The following SDHAF3 variants were observed in gnomAD, a reference collection of about 807,000 sequenced individuals.
The protein encoded by SDHAF3 is succinate dehydrogenase complex assembly factor 3.
SDHAF3 carries 18 observed loss-of-function variants against 11.5 expected under a neutral mutation model. The observed-to-expected ratio is 1.56, with a 90% confidence interval of 1.08 to 2.32. The LOEUF is 2.32. SDHAF3 is among the 30% of genes most tolerant of loss of function. The pLI, the probability that SDHAF3 is intolerant of heterozygous loss-of-function variation, is 0.00. For missense variants in SDHAF3, 200 were observed against 154.4 expected, an observed-to-expected ratio of 1.30 and a Z score of -1.57; for synonymous variants, 72 against 59.3, an observed-to-expected ratio of 1.21 and a Z score of -0.99.
At chr7:97,122,974 C>CT (rs1226962025) in intron 1 of SDHAF3, among the ~76,000 whole-genome samples, 1 of 150,422 alleles carries the variant, frequency 6.6e-6, no homozygotes, top group Non-Finnish European at 1.5e-5. Flanking sequence ...AATGGAAGTA[C>CT]TTTTTTACTT....
intron 1 of SDHAF3, among the ~76,000 whole-genome samples, chr7:97,121,721 C>T (rs1165352116): frequency 6.6e-6 from 1 of 151,944 alleles, no homozygotes. Flanking sequence ...AAGTTGAAAG[C>T]TACACAAGAT....
Position 97,120,589 on chromosome 7 carries a change from G to A in SDHAF3, c.174+2692G>A, listed in dbSNP as rs185611435. Among the ~76,000 whole-genome samples, 564 of 151,056 alleles carry A rather than the reference G, an allele frequency of 3.7e-3. 1 individual carries two copies. The highest frequency in any genetic ancestry group is 0.014 in the Middle Eastern group (4 of 294). On this transcript the variant is annotated intron_variant, in intron 1 of 1. Transcript: ENST00000432641. ...TTTTTATGCCTTTATTTTTCAGTTAGTGCTCATTACAAACTTGGCACCTGT... is the reference window on the plus strand; with the variant it reads ...TTTTTATGCCTTTATTTTTCAGTTAATGCTCATTACAAACTTGGCACCTGT...
chr7:97,155,657 T>A (rs1789290051), intron 1 of SDHAF3, among the ~76,000 whole-genome samples: 1 of 152,206 alleles, frequency 6.6e-6, no homozygotes, highest in African/African-American at 2.4e-5. Context: ...AATTGTGAGA[T>A]CATCTTTATA....
chr7:97,170,593 T>A lies in SDHAF3; in HGVS notation c.175-10419T>A, dbSNP rs559660439. Among the ~76,000 whole-genome samples the A allele has an allele frequency of 6.0e-4, 92 of 152,320 alleles. 1 individual carries two copies. The highest frequency in any genetic ancestry group is 2.1e-3 in the African/African-American group (89 of 41,572). ...TATAGTAGACAAATATAAAGAATAT[T>A]TGTGAACTAGGTTTTCTATAACATT... On this transcript the variant is annotated intron_variant, in intron 1 of 1. Coordinates refer to ENST00000432641, the MANE Select transcript of SDHAF3 (RefSeq NM_020186.3).
chr7:97,177,836 T>C lies in SDHAF3; in HGVS notation c.175-3176T>C, dbSNP rs112077495. On this transcript the variant is annotated intron_variant, in intron 1 of 1. Transcript: ENST00000432641. ...CCCCATTTATGATGACCGTATTTTC[T>C]TTTACATACTTAACATTTATAGTAC... Among the ~76,000 whole-genome samples the C allele has an allele frequency of 8.7e-3, 1,319 of 152,336 alleles. 18 individuals carry two copies. The highest frequency in any genetic ancestry group is 0.026 in the African/African-American group (1,080 of 41,576).
rs566561181 is a variant in SDHAF3 at position 97,117,729 on chromosome 7, G to A, written c.6G>A (p.Pro2=). Reference sequence around the variant, plus strand: ...GGCGGTCGGCGTGGGGCGCTATGCCGGGGCGGCACGTTTCTCGAGTCCGGG... The same window carrying A: ...GGCGGTCGGCGTGGGGCGCTATGCCAGGGCGGCACGTTTCTCGAGTCCGGG... M[P]GRHVSRVRAL... The change falls in exon 1 of 2, where the codon CCG becomes CCA. Residue 2 remains proline, a synonymous_variant. Transcript: ENST00000432641. 1.9e-6 allele frequency: 3 copies of A among 1,611,940 alleles called. No individual in the cohort carries two copies. Among genetic ancestry groups the A allele is most frequent in the African/African-American group, 1.3e-5 (1 of 75,006 alleles).
chr7:97,148,888 A>ATTT, intron 1 of SDHAF3, among the ~76,000 whole-genome samples: 1 of 151,636 alleles, frequency 6.6e-6, no homozygotes, highest in East Asian at 1.9e-4. Flanking sequence ...ATGTACAGTA[A>ATTT]TTTAAAAAGT....
intron 1 of SDHAF3, among the ~76,000 whole-genome samples, chr7:97,152,237 A>G (rs951197437): frequency 1.3e-5 from 2 of 152,176 alleles, no homozygotes; most frequent in African/African-American, 4.8e-5. Context: ...ATTGCAATAG[A>G]GAAACTGTTT....
chr7:97,160,587 A>G (rs1037537809), intron 1 of SDHAF3, among the ~76,000 whole-genome samples: 2 of 152,232 alleles, frequency 1.3e-5, no homozygotes, highest in African/African-American at 2.4e-5. Context: ...GATGCTGTTA[A>G]TCTACAACCT....
At chr7:97,155,438 C>T (rs1008423539) in intron 1 of SDHAF3, among the ~76,000 whole-genome samples, 8 of 152,142 alleles carry the variant, frequency 5.3e-5, no homozygotes, top group African/African-American at 1.9e-4. Context: ...ACTTCTTATC[C>T]TTTTAGACTT....
intron 1 of SDHAF3, among the ~76,000 whole-genome samples, chr7:97,141,434 T>A (rs541071138): frequency 6.6e-6 from 1 of 152,308 alleles, no homozygotes; most frequent in Non-Finnish European, 1.5e-5. Context: ...CCTGCCAACA[T>A]GTGATGTCTT....
intron 1 of SDHAF3, among the ~76,000 whole-genome samples, chr7:97,159,288 C>T (rs1789360586): frequency 6.6e-6 from 1 of 152,184 alleles, no homozygotes. Context: ...ATCTAAACTT[C>T]CTTAACATTT....
At position 97,181,600 on chromosome 7, in the gene SDHAF3, C is replaced by T. The variant is rs7837; in HGVS notation, c.*385C>T. 40,808 of 160,124 alleles carry T rather than the reference C, an allele frequency of 0.25. 5,489 individuals carry two copies. Among genetic ancestry groups the T allele is most frequent in the Non-Finnish European group, 0.29 (21,330 of 72,742 alleles). 9.9% of individuals were successfully genotyped at this position (160,124 alleles called of 1,614,324 possible). ...ATTATTTTTTAAATACATTGTCATT[C>T]TGAACATTTTATCACTTCTAGTTTA... On this transcript the variant is annotated 3_prime_UTR_variant, in exon 2 of 2. Transcript: ENST00000432641.
intron 1 of SDHAF3, among the ~76,000 whole-genome samples, chr7:97,125,344 C>T (rs974952497): frequency 5.9e-5 from 9 of 152,134 alleles, no homozygotes; most frequent in African/African-American, 2.2e-4. Flanking sequence ...GCGTTTCTCA[C>T]TTTCTGATGT....
intron 1 of SDHAF3, among the ~76,000 whole-genome samples, chr7:97,146,860 C>T (rs1262940368): frequency 5.3e-5 from 8 of 150,194 alleles, no homozygotes; most frequent in East Asian, 2.0e-4. Flanking sequence ...AATCTGGGCT[C>T]ACTGCAAACT....
At chr7:97,176,305 C>CAT (rs1789678611) in intron 1 of SDHAF3, among the ~76,000 whole-genome samples, 1 of 152,196 alleles carries the variant, frequency 6.6e-6, no homozygotes, top group African/African-American at 2.4e-5. Flanking sequence ...AAGCACTGCA[C>CAT]ATTCTCTTTG....
At chr7:97,137,986 C>G (rs925869357) in intron 1 of SDHAF3, among the ~76,000 whole-genome samples, 1 of 150,244 alleles carries the variant, frequency 6.7e-6, no homozygotes, top group Non-Finnish European at 1.5e-5. Flanking sequence ...AATTCTCCTG[C>G]CTCAGCCTCT....
At chr7:97,136,250 CATAACTTTT>C (rs1791767048) in intron 1 of SDHAF3, 5 of 435,810 alleles carry the variant, frequency 1.1e-5, no homozygotes, top group Non-Finnish European at 2.0e-5. Flanking sequence ...TTTTTTGAAA[CATAACTTTT>C]AGGTATATTG....
chr7:97,152,487 GGTAACACCA>G (rs1328462077), intron 1 of SDHAF3, among the ~76,000 whole-genome samples: 4 of 152,060 alleles, frequency 2.6e-5, no homozygotes, highest in African/African-American at 9.7e-5. Context: ...TATGGGTCTG[GGTAACACCA>G]GTGGATCCAT....
Sources: gnomAD v4.1 joint callset for allele counts (sites outside exome capture counted in the v4.1 genomes callset) on GRCh38, gnomAD v4.1.1 for gene constraint, MANE v1.5 for transcripts, NCBI Gene and HGNC (gene_info 2026-07-23, HGNC 2026-07-21) for gene names.